Variants in PCED1B observed in about 807,000 individuals in gnomAD.
PCED1B encodes PC-esterase domain containing 1B.
For synonymous variants in PCED1B, 251 were observed against 246.1 expected, an observed-to-expected ratio of 1.02 and a Z score of -0.19; for missense variants, 573 against 573.9, an observed-to-expected ratio of 1.00 and a Z score of 0.02.
chr12:47,165,779 A>G (rs1371391779), intron 2 of PCED1B, among the ~76,000 whole-genome samples: 1 of 152,214 alleles, frequency 6.6e-6, no homozygotes, highest in East Asian at 1.9e-4. Context: ...ATAAGAATGT[A>G]TTCAGGGATG....
chr12:47,126,894 C>G (rs1939910035), intron 2 of PCED1B, among the ~76,000 whole-genome samples: 1 of 152,118 alleles, frequency 6.6e-6, no homozygotes, highest in South Asian at 2.1e-4. Flanking sequence ...TCTCACTCTT[C>G]TTTTTCGTTG....
At chr12:47,155,706 T>C (rs1025502067) in intron 2 of PCED1B, among the ~76,000 whole-genome samples, 3 of 152,214 alleles carry the variant, frequency 2.0e-5, no homozygotes, top group Non-Finnish European at 2.9e-5. Flanking sequence ...AGAGCTGAGA[T>C]TGGAACCCAG....
rs1160335851 is a variant in PCED1B at position 47,235,670 on chromosome 12, G to A, written c.607G>A (p.Glu203Lys). The A allele has an allele frequency of 2.5e-6, 4 of 1,612,988 alleles. No individual in the cohort carries two copies. In the South Asian group the frequency reaches 3.3e-5, roughly 13 times the overall value. The change falls in exon 4 of 4, where the codon GAG becomes AAG. Residue 203 changes from glutamate (E) to lysine (K), a missense_variant. Physicochemically the swap from Glu to Lys is moderately conservative, Grantham distance 56. Coordinates refer to ENST00000546455, the MANE Select transcript of PCED1B (RefSeq NM_138371.3). ...VVKANFHSATEARKHNFDVLD... is the reference protein window; with the variant it reads ...VVKANFHSATKARKHNFDVLD... ...CAAAGCCAACTTCCACAGCGCCACCGAGGCACGTAAACATAACTTCGATGT... is the reference window on the plus strand; with the variant it reads ...CAAAGCCAACTTCCACAGCGCCACCAAGGCACGTAAACATAACTTCGATGT...
intron 3 of PCED1B, among the ~76,000 whole-genome samples, chr12:47,227,917 C>T (rs534935347): frequency 8.3e-4 from 126 of 152,124 alleles, no homozygotes; most frequent in Non-Finnish European, 1.9e-4. Flanking sequence ...GCTCTTGGAG[C>T]AACATTTGGG....
In PCED1B at chr12:47,181,146, G is replaced by A. The variant is rs376881483; in HGVS notation, c.-525-35076G>A. On this transcript the variant is annotated intron_variant, in intron 2 of 3. Coordinates refer to ENST00000546455, the MANE Select transcript of PCED1B (RefSeq NM_138371.3). ...CTACAGGTGCTTGCTGCCACGCCTG[G>A]CTCATTATTTGTATTTTTTGTAGAG... Among the ~76,000 whole-genome samples the A allele has an allele frequency of 3.3e-4, 50 of 151,970 alleles. 1 individual carries two copies. The highest frequency in any genetic ancestry group is 1.2e-3 in the African/African-American group (50 of 41,442).
At chr12:47,148,732 A>C (rs1327192057) in intron 2 of PCED1B, among the ~76,000 whole-genome samples, 1 of 152,230 alleles carries the variant, frequency 6.6e-6, no homozygotes, top group African/African-American at 2.4e-5. Flanking sequence ...TCTAGGAAGG[A>C]AATGCACCCT....
chr12:47,112,724 T>C (rs771681576), intron 2 of PCED1B, among the ~76,000 whole-genome samples: 2 of 152,228 alleles, frequency 1.3e-5, no homozygotes, highest in Non-Finnish European at 2.9e-5. Flanking sequence ...AGCCAGTGTT[T>C]GTAATAGACA....
intron 2 of PCED1B, among the ~76,000 whole-genome samples, chr12:47,175,806 A>T (rs1217539027): frequency 6.6e-6 from 1 of 152,018 alleles, no homozygotes; most frequent in Non-Finnish European, 1.5e-5. Context: ...TCCTGACCTC[A>T]GGTGATCTGC....
At chr12:47,220,083 A>AG (rs1488361130) in intron 3 of PCED1B, among the ~76,000 whole-genome samples, 20,613 of 142,830 alleles carry the variant, frequency 0.14, 1,405 homozygotes, top group South Asian at 0.26. Flanking sequence ...AAAAAAAAAA[A>AG]AAAAAAAGAA....
intron 2 of PCED1B, among the ~76,000 whole-genome samples, chr12:47,156,834 C>T (rs1011911133): frequency 2.0e-5 from 3 of 152,084 alleles, no homozygotes; most frequent in Non-Finnish European, 4.4e-5. Flanking sequence ...TTGAAGCTCT[C>T]CTTCGTTACT....
intron 2 of PCED1B, among the ~76,000 whole-genome samples, chr12:47,147,476 A>G (rs1940834823): frequency 3.3e-5 from 5 of 151,992 alleles, no homozygotes; most frequent in Admixed American, 3.3e-4. Flanking sequence ...TTTACCATCC[A>G]TATTTCCACT....
At chr12:47,116,891 A>G (rs1034261023) in intron 2 of PCED1B, among the ~76,000 whole-genome samples, 1 of 152,238 alleles carries the variant, frequency 6.6e-6, no homozygotes, top group Admixed American at 6.5e-5. Flanking sequence ...CTTAAAATGC[A>G]CAATTCAATG....
At chr12:47,134,004 A>G (rs1352301448) in intron 2 of PCED1B, among the ~76,000 whole-genome samples, 1 of 152,150 alleles carries the variant, frequency 6.6e-6, no homozygotes, top group Non-Finnish European at 1.5e-5. Context: ...CTGGCGTCTG[A>G]TTTTGGGCTT....
At chr12:47,216,061 AT>A (rs1233254935) in intron 2 of PCED1B, 160 bp from the exon 3 acceptor site, 5 of 152,236 alleles carry the variant, frequency 3.3e-5, no homozygotes, top group Admixed American at 1.3e-4. Context: ...CTCAAAAAAA[AT>A]AAATAAATAA....
chr12:47,235,828 G>A lies in PCED1B; in HGVS notation c.765G>A (p.Glu255=). ...ACGTGGCCGACGCCTGGGGTGTGGA[G>A]CTGCCCCACCGCCACCCCGTGGGCG... is the stretch of plus-strand genomic sequence containing the variant. ...LAHVADAWGV[E]LPHRHPVGEW... Residue 255 remains glutamate, a synonymous_variant, in exon 4 of 4, where the codon GAG becomes GAA. Coordinates refer to ENST00000546455, the MANE Select transcript of PCED1B (RefSeq NM_138371.3). The A allele has an allele frequency of 6.3e-7, 1 of 1,575,248 alleles. No individual in the cohort carries two copies. Among genetic ancestry groups the A allele is most frequent in the South Asian group, 1.1e-5 (1 of 87,184 alleles).
At chr12:47,227,455 G>A (rs1592320317) in intron 3 of PCED1B, among the ~76,000 whole-genome samples, 1 of 152,092 alleles carries the variant, frequency 6.6e-6, no homozygotes, top group Non-Finnish European at 1.5e-5. Flanking sequence ...TTACAGGCGA[G>A]AGCCACCGTG....
At chr12:47,095,092 G>A (rs983930989) in intron 1 of PCED1B, among the ~76,000 whole-genome samples, 2 of 52,640 alleles carry the variant, frequency 3.8e-5, no homozygotes, top group Non-Finnish European at 7.9e-5. Flanking sequence ...TTTTTTTTTT[G>A]TAGAGACAAG....
chr12:47,087,541 C>T (rs917097898), intron 1 of PCED1B, among the ~76,000 whole-genome samples: 1 of 152,128 alleles, frequency 6.6e-6, no homozygotes, highest in African/African-American at 2.4e-5. Context: ...GGTTGCTCTC[C>T]TCTAGGAATT....
chr12:47,134,746 T>G (rs577492503), intron 2 of PCED1B, among the ~76,000 whole-genome samples: 53 of 152,268 alleles, frequency 3.5e-4, no homozygotes, highest in Non-Finnish European at 4.4e-5. Flanking sequence ...CGGGCGCCTG[T>G]AGTCCCAGCT....
Sources: allele counts gnomAD v4.1 joint callset (sites outside exome capture counted in the v4.1 genomes callset), GRCh38; gene constraint gnomAD v4.1.1; transcripts MANE v1.5; gene names NCBI Gene and HGNC (gene_info 2026-07-23, HGNC 2026-07-21).